Variants in PPME1 observed in about 807,000 individuals in gnomAD.
The protein encoded by PPME1 is testicular secretory protein Li 39.
PPME1 carries 17 observed loss-of-function variants against 56.9 expected under a neutral mutation model. The ratio of observed to expected loss-of-function variants is 0.30; its 90% CI spans 0.20 to 0.45. PPME1 has a LOEUF of 0.45. PPME1 is among the 20% of genes least tolerant of loss of function. PPME1 has a pLI of 1.00. For synonymous variants in PPME1, 122 were observed against 156.2 expected (o/e 0.78, Z 1.63); for missense variants, 357 against 483.2 (o/e 0.74, Z 2.45).
intron 9 of PPME1, among the ~76,000 whole-genome samples, chr11:74,240,304 CCAAA>C (rs1324831869): frequency 6.6e-6 from 1 of 152,096 alleles, no homozygotes; most frequent in Non-Finnish European, 1.5e-5. Flanking sequence ...GAATTGTATT[CCAAA>C]CAAACAAAAA....
chr11:74,194,189 T>C (rs1857919606), intron 1 of PPME1, among the ~76,000 whole-genome samples: 1 of 152,138 alleles, frequency 6.6e-6, no homozygotes, highest in Non-Finnish European at 1.5e-5. Context: ...CCTTTTTTTA[T>C]TTTATTTTTT....
At chr11:74,176,826 GTTCAGGCGATTCTCCTGC>G (rs1428950472) in intron 1 of PPME1, among the ~76,000 whole-genome samples, 6 of 150,742 alleles carry the variant, frequency 4.0e-5, no homozygotes, top group Non-Finnish European at 7.4e-5. Flanking sequence ...CACTTCCCGG[GTTCAGGCGATTCTCCTGC>G]TTCAGCCTCC....
chr11:74,181,992 A>C (rs1857552188), intron 1 of PPME1, among the ~76,000 whole-genome samples: 1 of 152,206 alleles, frequency 6.6e-6, no homozygotes, highest in Admixed American at 6.5e-5. Context: ...CCACCTTTTA[A>C]AAATGTAAAG....
chr11:74,203,650 C>A, intron 1 of PPME1, 78 bp from the exon 2 acceptor site: 1 of 1,029,218 alleles, frequency 9.7e-7, no homozygotes, highest in Non-Finnish European at 1.5e-6. Flanking sequence ...TACTGACTTA[C>A]ATTTAGCATT....
intron 7 of PPME1, 57 bp from the exon 8 acceptor site, chr11:74,235,844 T>A: frequency 6.4e-7 from 1 of 1,564,940 alleles, no homozygotes; most frequent in Non-Finnish European, 8.7e-7. Context: ...TTGATTCCAA[T>A]GATGTGATAC....
At chr11:74,217,433 T>G (rs1591046074) in intron 3 of PPME1, among the ~76,000 whole-genome samples, 1 of 147,324 alleles carries the variant, frequency 6.8e-6, no homozygotes, top group East Asian at 2.0e-4. Context: ...TTCCAGCTAC[T>G]CAAGAGGCAG....
rs998472786 is a variant in PPME1 at position 74,225,314 on chromosome 11, A to G, written c.398+58A>G. ...GTCTCCCATCACTATTATAAATAGT[A>G]CTATAACTTTATCACTTTCCTGATG... On this transcript the variant is annotated intron_variant, in intron 5 of 13. Coordinates refer to ENST00000328257, the MANE Select transcript of PPME1 (RefSeq NM_016147.3). The G allele has an allele frequency of 5.9e-6, 7 of 1,193,152 alleles. No homozygotes were observed. The African/African-American group carries it at 7.7e-5, about 13-fold the overall frequency. The allele number at this position is 1,193,152 out of a possible 1,614,324, so 73.9% of individuals were successfully genotyped here.
chr11:74,182,516 C>G (rs964230122), intron 1 of PPME1, among the ~76,000 whole-genome samples: 1 of 151,908 alleles, frequency 6.6e-6, no homozygotes, highest in African/African-American at 2.4e-5. Flanking sequence ...TGTGCCACCA[C>G]GCCTGGCTAA....
intron 3 of PPME1, among the ~76,000 whole-genome samples, chr11:74,218,513 A>G (rs999847583): frequency 1.3e-5 from 2 of 152,234 alleles, no homozygotes; most frequent in African/African-American, 2.4e-5. Flanking sequence ...CCACAGGGTT[A>G]TAACAACCAG....
intron 10 of PPME1, 105 bp downstream of exon 10, chr11:74,246,310 G>T: frequency 8.1e-7 from 1 of 1,230,404 alleles, no homozygotes. Context: ...AGTTCTGGAG[G>T]CTGGAAGTCT....
At chr11:74,238,468 A>G (rs1384572419) in intron 8 of PPME1, 1 of 152,216 alleles carries the variant, frequency 6.6e-6, no homozygotes, top group Non-Finnish European at 1.5e-5. Flanking sequence ...GCTGTTGCCC[A>G]GGCCCTTGGG....
chr11:74,191,077 T>C (rs1440442218), intron 1 of PPME1, among the ~76,000 whole-genome samples: 4 of 152,236 alleles, frequency 2.6e-5, no homozygotes, highest in South Asian at 2.1e-4. Flanking sequence ...AGTTCGACTT[T>C]ATAGGCCAGG....
chr11:74,240,362 C>T (rs1406693854), intron 9 of PPME1, among the ~76,000 whole-genome samples: 1 of 152,158 alleles, frequency 6.6e-6, no homozygotes, highest in Non-Finnish European at 1.5e-5. Context: ...ATGAATTTCC[C>T]TCTGCATTTA....
chr11:74,201,969 G>A (rs1858181531), intron 1 of PPME1, among the ~76,000 whole-genome samples: 2 of 152,146 alleles, frequency 1.3e-5, no homozygotes, highest in Admixed American at 6.5e-5. Context: ...AAAAAAAGCA[G>A]GTCGAGGCTG....
intron 11 of PPME1, chr11:74,248,052 T>C (rs1324867919): frequency 6.6e-6 from 1 of 152,460 alleles, no homozygotes; most frequent in Non-Finnish European, 1.5e-5. Flanking sequence ...TGGGGTATAA[T>C]GAGTAGGAAA....
intron 1 of PPME1, among the ~76,000 whole-genome samples, chr11:74,187,044 G>T (rs1408051112): frequency 6.6e-6 from 1 of 152,168 alleles, no homozygotes; most frequent in African/African-American, 2.4e-5. Flanking sequence ...CTTGTCAAAA[G>T]TCAATTGACC....
chr11:74,252,941 C>T (rs989837300), intron 13 of PPME1, among the ~76,000 whole-genome samples: 5 of 152,232 alleles, frequency 3.3e-5, no homozygotes, highest in Admixed American at 6.5e-5. Flanking sequence ...CTTTGATCCT[C>T]AGAGAGCCCA....
chr11:74,187,059 ATGTATG>A (rs2135599070), intron 1 of PPME1, among the ~76,000 whole-genome samples: 1 of 152,336 alleles, frequency 6.6e-6, no homozygotes, highest in African/African-American at 2.4e-5. Flanking sequence ...TTGACCATAA[ATGTATG>A]TGTTTGTTTT....
chr11:74,193,875 C>A (rs1461741395), intron 1 of PPME1, among the ~76,000 whole-genome samples: 1 of 152,010 alleles, frequency 6.6e-6, no homozygotes, highest in Admixed American at 6.6e-5. Context: ...TTGATAATTT[C>A]TTTATGTGAA....
Sources: gnomAD v4.1 joint callset for allele counts (sites outside exome capture counted in the v4.1 genomes callset) on GRCh38, gnomAD v4.1.1 for gene constraint, MANE v1.5 for transcripts, NCBI Gene and HGNC (gene_info 2026-07-23, HGNC 2026-07-21) for gene names.